DCLK3: variants seen among roughly 807,000 people sequenced by gnomAD.
DCLK3 encodes the protein doublecortin like kinase 3.
Under a neutral mutation model 46.4 loss-of-function variants are expected in DCLK3, and 30 were observed. That is an observed-to-expected ratio of 0.65 (90% confidence interval 0.48 to 0.88). The LOEUF (loss-of-function observed/expected upper bound fraction) is 0.88. DCLK3 is among the 40% of genes least tolerant of loss of function. The pLI is 0.00. For synonymous variants in DCLK3, 401 were observed against 339.2 expected (o/e 1.18, Z -2.00); for missense variants, 846 against 907.1 (o/e 0.93, Z 0.87).
chr3:36,737,166 C>T lies in DCLK3; in HGVS notation c.1959+42G>A. ...ATTAATATCAATTTTATCCCATATT[C>T]TAAAAACACCCTCTCCCATATCATC... On this transcript the variant is annotated intron_variant, in intron 2 of 4. Coordinates refer to ENST00000636136, the MANE Select transcript of DCLK3 (RefSeq NM_001394672.2). The surrounding 1 kb of genome is among the most constrained non-coding windows in gnomAD (Gnocchi z 4.4). 1 of 1,576,850 alleles carries T rather than the reference C, an allele frequency of 6.3e-7. No homozygotes were observed. Among genetic ancestry groups the T allele is most frequent in the Non-Finnish European group, 8.6e-7 (1 of 1,162,096 alleles).
At chr3:36,755,265 G>C (rs1701475716) in intron 1 of DCLK3, among the ~76,000 whole-genome samples, 1 of 152,136 alleles carries the variant, frequency 6.6e-6, no homozygotes, top group Non-Finnish European at 1.5e-5. Flanking sequence ...TACAATTTTT[G>C]AGGGAGGACA....
chr3:36,736,328 A>T (rs1268810105), intron 2 of DCLK3, among the ~76,000 whole-genome samples: 1 of 152,188 alleles, frequency 6.6e-6, no homozygotes, highest in Non-Finnish European at 1.5e-5. Flanking sequence ...CAACGCAGTC[A>T]GTCACTCACA....
intron 1 of DCLK3, among the ~76,000 whole-genome samples, chr3:36,752,086 G>A (rs1701447267): frequency 6.6e-6 from 1 of 152,226 alleles, no homozygotes; most frequent in Non-Finnish European, 1.5e-5. Context: ...GTTGGCAGCT[G>A]ATCGCTGCCC....
At position 36,738,098 on chromosome 3, in the gene DCLK3, C is replaced by G. The variant is rs929508607; in HGVS notation, c.1069G>C (p.Glu357Gln). Reference protein sequence around the residue: ...VRTRSCRRSPEANPASGEEGW... With the variant: ...VRTRSCRRSPQANPASGEEGW... ...TCCTCCCCACTTGCAGGATTTGCCT[C>G]GGGAGACCTCCTGCAGCTTCTGGTC... The change falls in exon 2 of 5, where the codon GAG (glutamate) becomes CAG (glutamine). Residue 357 changes from glutamate (E) to glutamine (Q), a missense_variant. Glu to Gln is a conservative substitution (Grantham distance 29, BLOSUM62 2). Around this residue, in one of 3 missense-constraint regions of DCLK3, gnomAD observed 553 missense variants for 543.0 expected, o/e 1.02. Transcript: ENST00000636136. The G allele has an allele frequency of 6.2e-7, 1 of 1,613,604 alleles. No individual in the cohort carries two copies. The highest frequency in any genetic ancestry group is 1.7e-5 in the Admixed American group (1 of 59,986).
At position 36,722,181 on chromosome 3, in the gene DCLK3, T is replaced by A. The variant is rs1701069520; in HGVS notation, c.1960-522A>T. Reference sequence around the variant, plus strand: ...GAGGGAAAAAAGAAAGGAAAAAGACTGGGAATTAAAATGAAGAAGTATGGG... The same window carrying A: ...GAGGGAAAAAAGAAAGGAAAAAGACAGGGAATTAAAATGAAGAAGTATGGG... On this transcript the variant is annotated intron_variant, in intron 2 of 4. Coordinates refer to ENST00000636136, the MANE Select transcript of DCLK3 (RefSeq NM_001394672.2). Among the ~76,000 whole-genome samples the A allele has an allele frequency of 2.0e-5, 3 of 151,738 alleles. No homozygotes were observed. In the South Asian group the frequency reaches 6.2e-4, roughly 32 times the overall value.
intron 1 of DCLK3, among the ~76,000 whole-genome samples, chr3:36,749,224 T>C (rs748650511): frequency 6.6e-6 from 1 of 152,214 alleles, no homozygotes; most frequent in Non-Finnish European, 1.5e-5. Context: ...CTCAGTGCTA[T>C]ATACAGGGCG....
At chr3:36,741,026 C>T (rs937938061) in intron 1 of DCLK3, among the ~76,000 whole-genome samples, 1 of 152,198 alleles carries the variant, frequency 6.6e-6, no homozygotes, top group African/African-American at 2.4e-5. Flanking sequence ...GATCTTCCCA[C>T]ACACCACAAA....
chr3:36,727,138 A>T (rs1701133379), intron 2 of DCLK3, among the ~76,000 whole-genome samples: 1 of 152,046 alleles, frequency 6.6e-6, no homozygotes. Flanking sequence ...CAACAAAAAA[A>T]AACAGCTGGG....
At chr3:36,761,962 G>GA (rs1280157974) in intron 1 of DCLK3, among the ~76,000 whole-genome samples, 4 of 152,230 alleles carry the variant, frequency 2.6e-5, no homozygotes, top group Non-Finnish European at 4.4e-5. Context: ...ATATTTAGGG[G>GA]AAAAAAGGGG....
chr3:36,720,071 C>A (rs572583555), intron 3 of DCLK3, among the ~76,000 whole-genome samples: 2 of 152,246 alleles, frequency 1.3e-5, no homozygotes, highest in East Asian at 1.9e-4. Flanking sequence ...TGGGGCCTGG[C>A]GGGAAGTGAT....
intron 1 of DCLK3, among the ~76,000 whole-genome samples, chr3:36,757,127 G>A (rs1701492635): frequency 6.6e-6 from 1 of 152,096 alleles, no homozygotes; most frequent in African/African-American, 2.4e-5. Context: ...AATATGTAAT[G>A]CCAAAATTTT....
chr3:36,724,758 T>C (rs1462257804), intron 2 of DCLK3, among the ~76,000 whole-genome samples: 3 of 152,112 alleles, frequency 2.0e-5, no homozygotes, highest in African/African-American at 7.2e-5. Context: ...CTCTTTTTCT[T>C]CCCAGTCTCA....
intron 4 of DCLK3, 80 bp downstream of exon 4, chr3:36,717,930 G>A: frequency 1.3e-6 from 2 of 1,560,386 alleles, no homozygotes; most frequent in Non-Finnish European, 1.8e-6. Context: ...TCTGCACCAG[G>A]CACAGTGGTG....
intron 4 of DCLK3, among the ~76,000 whole-genome samples, chr3:36,715,809 T>C (rs887444220): frequency 6.6e-6 from 1 of 152,178 alleles, no homozygotes. Context: ...TAGCCACGTG[T>C]GGCAGCAGGG....
At position 36,715,206 on chromosome 3, in the gene DCLK3, G is replaced by A. The variant is rs535020225; in HGVS notation, c.*122C>T. On this transcript the variant is annotated 3_prime_UTR_variant, in exon 5 of 5. Coordinates refer to ENST00000636136, the MANE Select transcript of DCLK3 (RefSeq NM_001394672.2). ...TAATATGCTTTAAAATATACTCAGTGTCTCTCCCTCTGATTCACCAATTAT... is the reference window on the plus strand; with the variant it reads ...TAATATGCTTTAAAATATACTCAGTATCTCTCCCTCTGATTCACCAATTAT... The A allele has an allele frequency of 4.2e-5, 45 of 1,075,992 alleles. No individual in the cohort carries two copies. The East Asian group carries it at 1.0e-3, about 25-fold the overall frequency. 66.7% of individuals were successfully genotyped at this position (1,075,992 alleles called of 1,614,324 possible). A position where few individuals can be genotyped will look rare whatever the true frequency, so the allele number is the denominator to read the frequency against.
intron 1 of DCLK3, among the ~76,000 whole-genome samples, chr3:36,742,586 C>G (rs1701354043): frequency 6.6e-6 from 1 of 152,226 alleles, no homozygotes; most frequent in Non-Finnish European, 1.5e-5. Flanking sequence ...TCCACCTCCT[C>G]AGCATAACTG....
chr3:36,730,434 T>C (rs1701185946), intron 2 of DCLK3, among the ~76,000 whole-genome samples: 1 of 152,232 alleles, frequency 6.6e-6, no homozygotes. Flanking sequence ...AGGCAGTGTT[T>C]GAAATATTAA....
intron 1 of DCLK3, among the ~76,000 whole-genome samples, chr3:36,739,343 C>A (rs1171859743): frequency 6.6e-6 from 1 of 152,214 alleles, no homozygotes. Flanking sequence ...GGATGGGCCA[C>A]ACCTCAGGAG....
chr3:36,715,241 C>G lies in DCLK3; in HGVS notation c.*87G>C. On this transcript the variant is annotated 3_prime_UTR_variant, in exon 5 of 5. Coordinates refer to ENST00000636136, the MANE Select transcript of DCLK3 (RefSeq NM_001394672.2). ...CTGATTCACCAATTATGTGAAGAAG[C>G]CTCTTTCATTGTTTTTCTCTCAAAC... 1 of 1,438,070 alleles carries G rather than the reference C, an allele frequency of 7.0e-7. No individual in the cohort carries two copies. Among genetic ancestry groups the G allele is most frequent in the Non-Finnish European group, 9.4e-7 (1 of 1,065,664 alleles). The allele number at this position is 1,438,070 out of a possible 1,614,324, so 89.1% of individuals were successfully genotyped here.
Sources: gnomAD v4.1 joint callset for allele counts (sites outside exome capture counted in the v4.1 genomes callset) on GRCh38, gnomAD v4.1.1 for gene constraint, gnomAD v4.1.1 regional missense constraint, Gnocchi (gnomAD v3.1) non-coding constraint, MANE v1.5 for transcripts, NCBI Gene and HGNC (gene_info 2026-07-23, HGNC 2026-07-21) for gene names.